The following MYLK4 variants were observed in gnomAD, a reference collection of about 807,000 sequenced individuals.
MYLK4 encodes caMLCK like.
A neutral mutation model predicts 48.1 loss-of-function variants in MYLK4; 46 were observed. That is an observed-to-expected ratio of 0.96 (90% confidence interval 0.75 to 1.22). MYLK4 has a LOEUF of 1.22. Ranked by LOEUF, MYLK4 falls within the 50% of genes most tolerant of loss-of-function variation. MYLK4 has a pLI of 0.00. For missense variants in MYLK4, 451 were observed against 486.1 expected, an observed-to-expected ratio of 0.93 and a Z score of 0.68; for synonymous variants, 170 against 180.8, an observed-to-expected ratio of 0.94 and a Z score of 0.48.
intron 7 of MYLK4, among the ~76,000 whole-genome samples, chr6:2,680,808 G>A (rs576456820): frequency 3.9e-5 from 6 of 152,172 alleles, no homozygotes; most frequent in African/African-American, 7.2e-5. Flanking sequence ...AAAGTCGCAC[G>A]GCAGAGGAGG....
At chr6:2,705,369 C>A (rs138730885) in intron 2 of MYLK4, among the ~76,000 whole-genome samples, 3,434 of 152,284 alleles carry the variant, frequency 0.023, 54 homozygotes, top group Non-Finnish European at 0.038. Flanking sequence ...CAAGGTTCTT[C>A]TCAAGTTTCT....
At chr6:2,765,991 C>G in the MYLK4 span, 3 of 1,384,752 alleles carry the variant, frequency 2.2e-6, no homozygotes, top group Non-Finnish European at 2.8e-6. Context: ...CCCGCCTTAT[C>G]CCCGACTTCC....
At chr6:2,703,665 C>CTTTT (rs3055234) in intron 2 of MYLK4, among the ~76,000 whole-genome samples, 28,089 of 93,214 alleles carry the variant, frequency 0.3, 7,590 homozygotes, top group Admixed American at 0.32. Context: ...TTTGTGAATT[C>CTTTT]TTTTTTTTTT....
At chr6:2,671,211 A>G in intron 12 of MYLK4, 65 bp downstream of exon 12, 1 of 1,147,802 alleles carries the variant, frequency 8.7e-7, no homozygotes, top group South Asian at 1.3e-5. Context: ...CAAATGCTCC[A>G]TTTATTTCTT....
intron 2 of MYLK4, among the ~76,000 whole-genome samples, chr6:2,726,319 A>G (rs182728069): frequency 1.4e-3 from 211 of 152,346 alleles, no homozygotes; most frequent in Non-Finnish European, 1.5e-3. Flanking sequence ...GGAGAGAAGG[A>G]GCCCAGGGCC....
intron 6 of MYLK4, among the ~76,000 whole-genome samples, chr6:2,684,781 C>G (rs965692115): frequency 1.3e-5 from 2 of 152,176 alleles, no homozygotes; most frequent in African/African-American, 4.8e-5. Flanking sequence ...CATTTTATGT[C>G]AGGAACTTGA....
chr6:2,737,279 C>A (rs145845823), intron 2 of MYLK4, among the ~76,000 whole-genome samples: 9,260 of 152,316 alleles, frequency 0.061, 378 homozygotes, highest in Non-Finnish European at 0.092. Context: ...TGCCACCGCA[C>A]TCCAGCCTGG....
chr6:2,761,851 C>T, the MYLK4 span, among the ~76,000 whole-genome samples: 2 of 152,100 alleles, frequency 1.3e-5, no homozygotes, highest in Non-Finnish European at 2.9e-5. Flanking sequence ...TTATTATTTA[C>T]ATAATATAGG....
In MYLK4 at chr6:2,665,930, T is replaced by G. The variant is rs1213351531; in HGVS notation, c.*1995A>C. ...AGGGTTTTGTGTGTGTGTGTGTGTG[T>G]GGTGTGTGTGTTTTAAGCAAACTAA... is the stretch of plus-strand genomic sequence containing the variant. On this transcript the variant is annotated 3_prime_UTR_variant, in exon 13 of 13. Coordinates refer to ENST00000274643, the MANE Select transcript of MYLK4 (RefSeq NM_001012418.5). The G allele has an allele frequency of 3.1e-5, 2 of 64,174 alleles. No homozygotes were observed. Among genetic ancestry groups the G allele is most frequent in the African/African-American group, 1.1e-4 (2 of 18,114 alleles). The allele number at this position is 64,174 out of a possible 1,614,324, so 4.0% of individuals were successfully genotyped here. A position where few individuals can be genotyped will look rare whatever the true frequency, so the allele number is the denominator to read the frequency against.
At chr6:2,755,378 A>G (rs1764403992), upstream of MYLK4, among the ~76,000 whole-genome samples, 1 of 152,162 alleles carries the variant, frequency 6.6e-6, no homozygotes, top group Admixed American at 6.5e-5. Context: ...AGTAAGATGC[A>G]TATCTCATGA....
In MYLK4 at chr6:2,685,666, A is replaced by T; in HGVS notation, c.342-90T>A. 1 of 1,158,032 alleles carries T rather than the reference A, an allele frequency of 8.6e-7. No homozygotes were observed. Among genetic ancestry groups the T allele is most frequent in the Non-Finnish European group, 1.3e-6 (1 of 782,858 alleles). The allele number at this position is 1,158,032 out of a possible 1,614,324, so 71.7% of individuals were successfully genotyped here. ...AGTGGCCCCAGTATTTCTCCTGCTGAGTCTGGATGAGCAGCCCTCTGAGGA... is the reference window on the plus strand; with the variant it reads ...AGTGGCCCCAGTATTTCTCCTGCTGTGTCTGGATGAGCAGCCCTCTGAGGA... On this transcript the variant is annotated intron_variant, in intron 4 of 12. Transcript: ENST00000274643. This position sits in a 1 kb window ranked among gnomAD's most constrained non-coding sequence, Gnocchi z 4.5.
upstream of MYLK4, among the ~76,000 whole-genome samples, chr6:2,753,744 A>G (rs1371807578): frequency 2.0e-5 from 3 of 152,204 alleles, no homozygotes; most frequent in African/African-American, 7.2e-5. Context: ...CAAAGAAGAT[A>G]TAAAAATGGT....
chr6:2,722,078 G>A (rs7771292), intron 2 of MYLK4, among the ~76,000 whole-genome samples: 20,459 of 152,256 alleles, frequency 0.13, 1,628 homozygotes, highest in African/African-American at 0.22. Context: ...GGTCTTTCCA[G>A]ACTGTTGGAG....
chr6:2,731,093 T>C (rs957217726), intron 2 of MYLK4, among the ~76,000 whole-genome samples: 48 of 152,156 alleles, frequency 3.2e-4, no homozygotes, highest in African/African-American at 9.7e-4. Context: ...GAAGAGGTTA[T>C]ATGGAAAACT....
At position 2,667,367 on chromosome 6, in the gene MYLK4, A is replaced by G. The variant is rs1306128920; in HGVS notation, c.*558T>C. ...GTTCCAGCAAACAAATTATTTATCCATTGTAGTCACGTGACCACAGACCAA... is the reference window on the plus strand; with the variant it reads ...GTTCCAGCAAACAAATTATTTATCCGTTGTAGTCACGTGACCACAGACCAA... On this transcript the variant is annotated 3_prime_UTR_variant, in exon 13 of 13. Transcript: ENST00000274643. The G allele has an allele frequency of 6.6e-6, 1 of 152,192 alleles. No homozygotes were observed. The highest frequency in any genetic ancestry group is 1.9e-4 in the East Asian group (1 of 5,204). The allele number at this position is 152,192 out of a possible 1,614,324, so 9.4% of individuals were successfully genotyped here. A position where few individuals can be genotyped will look rare whatever the true frequency, so the allele number is the denominator to read the frequency against.
intron 2 of MYLK4, among the ~76,000 whole-genome samples, chr6:2,699,282 C>CTTTTCTTTT (rs1430587431): frequency 3.1e-5 from 2 of 63,582 alleles, no homozygotes; most frequent in African/African-American, 1.2e-4. Flanking sequence ...CTTTTCTTTT[C>CTTTTCTTTT]TTTTCTTTTT....
At chr6:2,741,911 G>A (rs1763911449) in intron 2 of MYLK4, among the ~76,000 whole-genome samples, 2 of 152,186 alleles carry the variant, frequency 1.3e-5, no homozygotes, top group Non-Finnish European at 2.9e-5. Flanking sequence ...GAAGATGAAA[G>A]CCCTTAGTAT....
intron 2 of MYLK4, among the ~76,000 whole-genome samples, chr6:2,701,911 A>G (rs1762295504): frequency 6.6e-6 from 1 of 152,224 alleles, no homozygotes; most frequent in South Asian, 2.1e-4. Context: ...TCATTTTACA[A>G]AATATGTGTC....
intron 8 of MYLK4, among the ~76,000 whole-genome samples, chr6:2,679,896 A>AT (rs1761227561): frequency 1.3e-5 from 2 of 152,226 alleles, no homozygotes; most frequent in African/African-American, 4.8e-5. Flanking sequence ...CGTTGTTAAT[A>AT]TTTTTAAAGT....
Sources: allele counts gnomAD v4.1 joint callset (sites outside exome capture counted in the v4.1 genomes callset), GRCh38; gene constraint gnomAD v4.1.1; non-coding constraint Gnocchi (gnomAD v3.1); transcripts MANE v1.5; gene names NCBI Gene and HGNC (gene_info 2026-07-23, HGNC 2026-07-21).